The following ESRP1 variants were observed in gnomAD, a reference collection of about 807,000 sequenced individuals.
The protein encoded by ESRP1 is epithelial splicing regulatory protein 1, also known as RNA-binding motif protein 35A.
Under a neutral mutation model 81.7 loss-of-function variants are expected in ESRP1, and 33 were observed. That is an observed-to-expected ratio of 0.40 (90% confidence interval 0.31 to 0.54). ESRP1 has a LOEUF of 0.54. Ranked by LOEUF, ESRP1 falls within the 20% of genes least tolerant of loss-of-function variation. ESRP1 has a pLI of 0.41. For synonymous variants in ESRP1, 320 were observed against 303.3 expected (o/e 1.06, Z -0.57); for missense variants, 672 against 833.1 (o/e 0.81, Z 2.38).
chr8:94,668,465 T>C (rs1422530793), intron 10 of ESRP1: 2 of 400,466 alleles, frequency 5.0e-6, no homozygotes, highest in South Asian at 6.4e-5. Context: ...AGAAATGGGA[T>C]ACTGCTATAG....
Position 94,641,360 on chromosome 8 carries a change from C to T in ESRP1, c.42C>T (p.Ile14=), listed in dbSNP as rs369835294. ...SPDYLVVLFG[I]TAGATGAKLG... ...ATTACTTGGTGGTGCTTTTTGGGAT[C>T]ACTGCTGGGGCCACCGGGGCCAAGC... The change falls in exon 1 of 16, where the codon ATC becomes ATT. Residue 14 remains isoleucine, a synonymous_variant. Transcript: ENST00000433389. 2 of 1,613,574 alleles carry T rather than the reference C, an allele frequency of 1.2e-6. No individual in the cohort carries two copies. Among genetic ancestry groups the T allele is most frequent in the South Asian group, 2.2e-5 (2 of 91,070 alleles).
At chr8:94,692,539 G>A (rs1435494026) in intron 13 of ESRP1, 138 bp from the exon 14 acceptor site, 9 of 905,054 alleles carry the variant, frequency 9.9e-6, no homozygotes, top group Non-Finnish European at 1.5e-5. Flanking sequence ...GTTTTCACCT[G>A]TCTTAGGAAA....
chr8:94,695,857 G>A (rs1809585210), intron 14 of ESRP1, among the ~76,000 whole-genome samples: 1 of 151,994 alleles, frequency 6.6e-6, no homozygotes, highest in Non-Finnish European at 1.5e-5. Context: ...GAGGCCAGGA[G>A]TTCAAGACCA....
intron 15 of ESRP1, among the ~76,000 whole-genome samples, chr8:94,697,608 T>C (rs976667512): frequency 1.3e-5 from 2 of 152,242 alleles, no homozygotes; most frequent in Non-Finnish European, 2.9e-5. Flanking sequence ...TGATGGACAT[T>C]TTAATTGTTT....
chr8:94,655,572 G>A (rs1818365577), intron 4 of ESRP1, among the ~76,000 whole-genome samples: 4 of 151,954 alleles, frequency 2.6e-5, no homozygotes. Flanking sequence ...AAATATATCA[G>A]GTTATATGTA....
rs528961833 is a variant in ESRP1, at chr8:94,648,590, C to T, written c.490+2308C>T. On this transcript the variant is annotated intron_variant, in intron 4 of 15. Coordinates refer to ENST00000433389, the MANE Select transcript of ESRP1 (RefSeq NM_017697.4). ...ATTTTCCTTGCCAATATGGAAGTGA[C>T]GCTGAATTGGGAGATCTGTAGTCAT... is the stretch of plus-strand genomic sequence containing the variant. Among the ~76,000 whole-genome samples the T allele has an allele frequency of 1.6e-3, 250 of 152,288 alleles. 1 individual carries two copies. The highest frequency in any genetic ancestry group is 4.4e-3 in the African/African-American group (182 of 41,554).
Position 94,674,480 on chromosome 8 carries a change from T to C in ESRP1, c.1625T>C (p.Leu542Ser), listed in dbSNP as rs1819493181. The change falls in exon 12 of 16, where the codon TTA becomes TCA. Residue 542 changes from leucine to serine, a missense_variant. Leu to Ser is a moderately radical substitution (Grantham distance 145, BLOSUM62 -2). Coordinates refer to ENST00000433389, the MANE Select transcript of ESRP1 (RefSeq NM_017697.4). ...GGGGGCACTTTAAATCGAAATGGCT[T>C]ATCCCCACCGCCATGTAAGTTACCA... ...LMGGTLNRNG[L>S]SPPPCKLPCL... 6.2e-7 allele frequency: 1 copy of C among 1,613,818 alleles called. No homozygotes were observed. The highest frequency in any genetic ancestry group is 2.2e-5 in the East Asian group (1 of 44,880).
intron 4 of ESRP1, chr8:94,655,765 T>G (rs1385557680): frequency 2.6e-5 from 4 of 152,026 alleles, no homozygotes; most frequent in Non-Finnish European, 5.9e-5. Context: ...GTGGCATTCG[T>G]CTGTAATACC....
intron 15 of ESRP1, among the ~76,000 whole-genome samples, chr8:94,702,119 A>T (rs1448041843): frequency 6.6e-6 from 1 of 152,182 alleles, no homozygotes; most frequent in African/African-American, 2.4e-5. Flanking sequence ...ATTAATACAT[A>T]ACTTTTGCTG....
At chr8:94,667,844 T>A in intron 9 of ESRP1, 105 bp from the exon 10 acceptor site, 2 of 968,440 alleles carry the variant, frequency 2.1e-6, no homozygotes, top group Non-Finnish European at 3.0e-6. Flanking sequence ...GTATGGGTCT[T>A]CATTATGAAC....
Position 94,696,873 on chromosome 8 carries a change from A to T in ESRP1, c.1993A>T (p.Ile665Leu). The change falls in exon 15 of 16, where the codon ATA (isoleucine) becomes TTA (leucine). Residue 665 changes from isoleucine (I) to leucine (L), a missense_variant. Physicochemically the swap from Ile to Leu is conservative, Grantham distance 5 (BLOSUM62 2). Coordinates refer to ENST00000433389, the MANE Select transcript of ESRP1 (RefSeq NM_017697.4). ...GYQYATEDGLIHTNDQARTLP... is the reference protein window; with the variant it reads ...GYQYATEDGLLHTNDQARTLP... ...TTAGTATGCAACCGAGGATGGACTT[A>T]TACACACAAATGACCAGGCCAGGAC... 1 of 1,594,708 alleles carries T rather than the reference A, an allele frequency of 6.3e-7. No individual in the cohort carries two copies. The highest frequency in any genetic ancestry group is 8.5e-7 in the Non-Finnish European group (1 of 1,170,104).
chr8:94,681,921 G>A (rs903946457), intron 13 of ESRP1, among the ~76,000 whole-genome samples: 1 of 152,286 alleles, frequency 6.6e-6, no homozygotes, highest in African/African-American at 2.4e-5. Context: ...GTGACAGAGC[G>A]AGACTCAGTC....
chr8:94,670,935 ATTGT>A (rs1187244605), intron 10 of ESRP1, among the ~76,000 whole-genome samples: 30 of 151,946 alleles, frequency 2.0e-4, no homozygotes, highest in Non-Finnish European at 8.8e-5. Flanking sequence ...ATCCAAAGTG[ATTGT>A]TTGGCCTGTG....
intron 13 of ESRP1, among the ~76,000 whole-genome samples, chr8:94,682,600 C>G (rs1043595989): frequency 6.6e-6 from 1 of 151,922 alleles, no homozygotes; most frequent in African/African-American, 2.4e-5. Flanking sequence ...GTACTGAGCT[C>G]AAGCAATCTT....
chr8:94,649,050 G>A (rs117847124), intron 4 of ESRP1, among the ~76,000 whole-genome samples: 5,845 of 152,180 alleles, frequency 0.038, 136 homozygotes, highest in Admixed American at 0.064. Flanking sequence ...GCGAAACCCC[G>A]TCTCTGCTAA....
At chr8:94,657,465 C>CTGTATGCG (rs1554576323) in intron 4 of ESRP1, among the ~76,000 whole-genome samples, 7 of 97,876 alleles carry the variant, frequency 7.2e-5, no homozygotes, top group African/African-American at 2.7e-4. Flanking sequence ...CCTATTGAGG[C>CTGTATGCG]TGTGTGCGTG....
intron 6 of ESRP1, among the ~76,000 whole-genome samples, chr8:94,663,753 A>C (rs577542186): frequency 6.6e-6 from 1 of 152,322 alleles, no homozygotes; most frequent in African/African-American, 2.4e-5. Flanking sequence ...ACTTATTAAG[A>C]AAATGTCCTA....
chr8:94,689,319 CTT>C (rs4008176), intron 13 of ESRP1, among the ~76,000 whole-genome samples: 51,445 of 145,664 alleles, frequency 0.35, 9,450 homozygotes, highest in East Asian at 0.57. Context: ...TTTAGATGAT[CTT>C]TTTTCTTTTA....
intron 12 of ESRP1, among the ~76,000 whole-genome samples, chr8:94,675,256 A>G (rs1324335785): frequency 6.6e-6 from 1 of 152,226 alleles, no homozygotes; most frequent in African/African-American, 2.4e-5. Flanking sequence ...TCCTTTAAAT[A>G]AGATGTACCT....
Sources: gnomAD v4.1 joint callset for allele counts (sites outside exome capture counted in the v4.1 genomes callset) on GRCh38, gnomAD v4.1.1 for gene constraint, MANE v1.5 for transcripts, NCBI Gene and HGNC (gene_info 2026-07-23, HGNC 2026-07-21) for gene names.